FHIT: variants seen among roughly 807,000 people sequenced by gnomAD.
FHIT encodes bis(5'-adenosyl)-triphosphatase.
FHIT carries 19 observed loss-of-function variants against 17.9 expected under a neutral mutation model. That is an observed-to-expected ratio of 1.06 (90% CI 0.74 to 1.56). The LOEUF (loss-of-function observed/expected upper bound fraction) is 1.56, where lower values mean the gene tolerates loss of function less well. Ranked by LOEUF, FHIT falls within the 40% of genes most tolerant of loss-of-function variation. The probability of loss-of-function intolerance (pLI) is 0.00; values close to 1 mark genes in which losing one functional copy is unlikely to be tolerated. For synonymous variants in FHIT, 81 were observed against 69.7 expected (o/e 1.16, Z -0.81); for missense variants, 248 against 189.2 (o/e 1.31, Z -1.82).
At chr3:60,470,697 C>G (rs1395641755) in intron 5 of FHIT, among the ~76,000 whole-genome samples, 1 of 152,098 alleles carries the variant, frequency 6.6e-6, no homozygotes, top group Non-Finnish European at 1.5e-5. Flanking sequence ...ACTTGATCCT[C>G]TGCCATACTG....
intron 3 of FHIT, among the ~76,000 whole-genome samples, chr3:60,989,265 G>A (rs781646328): frequency 8.6e-5 from 13 of 151,854 alleles, no homozygotes; most frequent in East Asian, 1.9e-4. Flanking sequence ...TTCTCCTGTC[G>A]CAGCCTCTCA....
chr3:60,821,295 C>T (rs549739303), intron 4 of FHIT, among the ~76,000 whole-genome samples: 14 of 152,226 alleles, frequency 9.2e-5, no homozygotes, highest in Non-Finnish European at 1.9e-4. Context: ...TCAACATATC[C>T]GGTGAAATCA....
At chr3:60,185,476 G>A (rs1472219862) in intron 5 of FHIT, among the ~76,000 whole-genome samples, 1 of 152,152 alleles carries the variant, frequency 6.6e-6, no homozygotes, top group African/African-American at 2.4e-5. Flanking sequence ...GCTGAGTAAT[G>A]TTCCATTCTA....
intron 2 of FHIT, among the ~76,000 whole-genome samples, chr3:61,092,449 A>G (rs2035514393): frequency 2.0e-5 from 3 of 152,192 alleles, no homozygotes; most frequent in South Asian, 4.1e-4. Context: ...TTAAAACTCA[A>G]TTTGAGAAAA....
intron 3 of FHIT, among the ~76,000 whole-genome samples, chr3:60,857,533 T>C (rs1703438868): frequency 1.3e-5 from 2 of 151,926 alleles, no homozygotes; most frequent in South Asian, 4.1e-4. Context: ...AATTAGATAA[T>C]ACATGGAAAG....
At chr3:59,986,065 G>T (rs1001407013) in intron 7 of FHIT, among the ~76,000 whole-genome samples, 1 of 151,942 alleles carries the variant, frequency 6.6e-6, no homozygotes, top group Admixed American at 6.6e-5. Context: ...ACATGTCAAG[G>T]AATACTCCAT....
chr3:61,091,509 T>C (rs1455845445), intron 2 of FHIT, among the ~76,000 whole-genome samples: 1 of 152,142 alleles, frequency 6.6e-6, no homozygotes, highest in Non-Finnish European at 1.5e-5. Context: ...TCACCACTAT[T>C]AACATCAAAT....
intron 8 of FHIT, among the ~76,000 whole-genome samples, chr3:59,793,860 A>G (rs1411426029): frequency 6.6e-6 from 1 of 152,048 alleles, no homozygotes; most frequent in East Asian, 1.9e-4. Flanking sequence ...CCCAGTGAGG[A>G]TAGGGGTTGT....
chr3:60,599,404 A>G (rs2038370990), intron 4 of FHIT, among the ~76,000 whole-genome samples: 1 of 152,170 alleles, frequency 6.6e-6, no homozygotes, highest in Non-Finnish European at 1.5e-5. Context: ...CTTACCAGTG[A>G]GTTTTGCATG....
chr3:60,199,251 A>T (rs1255648242), intron 5 of FHIT, among the ~76,000 whole-genome samples: 1 of 152,190 alleles, frequency 6.6e-6, no homozygotes, highest in Non-Finnish European at 1.5e-5. Context: ...GTTACATCAT[A>T]ATCTAGAACA....
chr3:61,091,775 C>G (rs2035489559), intron 2 of FHIT, among the ~76,000 whole-genome samples: 1 of 151,438 alleles, frequency 6.6e-6, no homozygotes, highest in African/African-American at 2.4e-5. Flanking sequence ...TGGCAAAACC[C>G]AGTCTCTACA....
At chr3:60,946,412 C>G (rs1708641723) in intron 3 of FHIT, among the ~76,000 whole-genome samples, 1 of 152,102 alleles carries the variant, frequency 6.6e-6, no homozygotes, top group Non-Finnish European at 1.5e-5. Flanking sequence ...CTCTAAATAC[C>G]AGTAGCACTC....
At chr3:59,891,699 T>C (rs79583608) in intron 8 of FHIT, among the ~76,000 whole-genome samples, 1,534 of 152,322 alleles carry the variant, frequency 0.01, 30 homozygotes, top group African/African-American at 0.034. Context: ...TCGATGGGCA[T>C]TCACATAGGG....
intron 5 of FHIT, among the ~76,000 whole-genome samples, chr3:60,413,481 T>C (rs978785249): frequency 9.2e-5 from 14 of 152,226 alleles, no homozygotes; most frequent in Non-Finnish European, 1.5e-4. Flanking sequence ...AGAAGTACCA[T>C]GCAAATTCCA....
intron 8 of FHIT, among the ~76,000 whole-genome samples, chr3:59,780,780 T>C (rs1006765559): frequency 1.3e-5 from 2 of 152,190 alleles, no homozygotes; most frequent in African/African-American, 4.8e-5. Context: ...GCCCTGATAT[T>C]GGACTTCCAG....
chr3:60,264,714 T>C lies in FHIT; in HGVS notation c.104-250562A>G, dbSNP rs138499447. 3.9e-5 allele frequency among the ~76,000 whole-genome samples: 6 copies of C among 152,134 alleles called. No homozygotes were observed. The East Asian group carries it at 9.7e-4, about 25-fold the overall frequency. ...ATGTGGACTCTCCTTTTCTCCTTTC[T>C]TTTATTTCAGTGGTTCTTGAATGTT... On this transcript the variant is annotated intron_variant, in intron 5 of 9. Coordinates refer to ENST00000492590, the MANE Select transcript of FHIT (RefSeq NM_002012.4).
chr3:60,443,201 C>T (rs2031048195), intron 5 of FHIT, among the ~76,000 whole-genome samples: 1 of 152,172 alleles, frequency 6.6e-6, no homozygotes, highest in Admixed American at 6.5e-5. Flanking sequence ...TCTAGATATA[C>T]AATCATGTCA....
intron 2 of FHIT, among the ~76,000 whole-genome samples, chr3:61,065,791 GC>G (rs972998851): frequency 6.6e-6 from 1 of 151,758 alleles, no homozygotes; most frequent in African/African-American, 2.4e-5. Flanking sequence ...GAATATACAA[GC>G]TTTTATTCTC....
At chr3:60,277,510 A>G (rs1191246901) in intron 5 of FHIT, among the ~76,000 whole-genome samples, 1 of 152,178 alleles carries the variant, frequency 6.6e-6, no homozygotes, top group Admixed American at 6.5e-5. Context: ...TGCCAGCCAC[A>G]TGTAGAGTAA....
Sources: gnomAD v4.1 joint callset for allele counts (sites outside exome capture counted in the v4.1 genomes callset) on GRCh38, gnomAD v4.1.1 for gene constraint, MANE v1.5 for transcripts, NCBI Gene and HGNC (gene_info 2026-07-23, HGNC 2026-07-21) for gene names.